The following TYK2 variants were observed in gnomAD, a reference collection of about 807,000 sequenced individuals.
TYK2 encodes the protein non-receptor tyrosine-protein kinase TYK2.
Under a neutral mutation model 130.9 loss-of-function variants are expected in TYK2, and 65 were observed. The ratio of observed to expected loss-of-function variants is 0.50; its 90% CI spans 0.41 to 0.61. The LOEUF is 0.61. Ranked by LOEUF, TYK2 falls within the 20% of genes least tolerant of loss-of-function variation. The pLI, the probability that TYK2 is intolerant of heterozygous loss-of-function variation, is 0.00. For missense variants in TYK2, 1,378 were observed against 1,610.7 expected, an observed-to-expected ratio of 0.86 and a Z score of 2.47; for synonymous variants, 647 against 658.9, an observed-to-expected ratio of 0.98 and a Z score of 0.28.
In TYK2 at chr19:10,368,167, C is replaced by T. The variant is rs369530676; in HGVS notation, c.353G>A (p.Arg118Gln). 16 of 1,613,928 alleles carry T rather than the reference C, an allele frequency of 9.9e-6. No homozygotes were observed. The highest frequency in any genetic ancestry group is 8.3e-5 in the Admixed American group (5 of 59,958). The change falls in exon 5 of 25, where the codon CGG becomes CAG. Residue 118 changes from arginine to glutamine, a missense_variant. Transcript: ENST00000525621. ...YFRNWHGMNPREPAVYRCGPP... is the reference protein window; with the variant it reads ...YFRNWHGMNPQEPAVYRCGPP... Reference sequence around the variant, plus strand: ...CCCACAACGGTACACAGCCGGTTCCCGAGGATTCATGCCATGCCAGTTCCG... The same window carrying T: ...CCCACAACGGTACACAGCCGGTTCCTGAGGATTCATGCCATGCCAGTTCCG...
At chr19:10,367,937 C>T (rs1020944620) in intron 5 of TYK2, 118 bp downstream of exon 5, 17 of 1,184,148 alleles carry the variant, frequency 1.4e-5, no homozygotes, top group Non-Finnish European at 1.7e-5. Context: ...AAAAAAAGAT[C>T]CCCAGATAGC....
At position 10,364,811 on chromosome 19, in the gene TYK2, C is replaced by T. The variant is rs2041578874; in HGVS notation, c.1209+40G>A. The T allele has an allele frequency of 1.9e-6, 3 of 1,613,864 alleles. No individual in the cohort carries two copies. The highest frequency in any genetic ancestry group is 2.7e-5 in the African/African-American group (2 of 74,950). On this transcript the variant is annotated intron_variant, in intron 8 of 24. Coordinates refer to ENST00000525621, the MANE Select transcript of TYK2 (RefSeq NM_003331.5). The surrounding 1 kb of genome is among the most constrained non-coding windows in gnomAD (Gnocchi z 4.9). Reference sequence around the variant, plus strand: ...CGCATCAGGTGGGTGTCCTCCCAGGCCATGATGGGCCCTAGCCCAGCCCCT... The same window carrying T: ...CGCATCAGGTGGGTGTCCTCCCAGGTCATGATGGGCCCTAGCCCAGCCCCT...
intron 3 of TYK2, among the ~76,000 whole-genome samples, chr19:10,372,084 G>A (rs1234510048): frequency 1.3e-5 from 2 of 151,724 alleles, no homozygotes; most frequent in African/African-American, 4.8e-5. Context: ...TCTGCCTCCT[G>A]GGTTCACGCC....
At chr19:10,376,110 T>G (rs1260310923) in intron 3 of TYK2, among the ~76,000 whole-genome samples, 2 of 151,452 alleles carry the variant, frequency 1.3e-5, no homozygotes, top group South Asian at 4.2e-4. Context: ...CCTCCCAAGT[T>G]CAAGCAATTC....
chr19:10,354,013 G>A (rs770148552), intron 20 of TYK2, 29 bp downstream of exon 20: 2 of 1,611,808 alleles, frequency 1.2e-6, no homozygotes, highest in African/African-American at 2.7e-5. Flanking sequence ...GCCCCCTCAA[G>A]TCTCTAGGAC....
rs752941433 is a variant in TYK2 at position 10,368,371 on chromosome 19, C to T, written c.241G>A (p.Ala81Thr). ...FNLFALFDAQ[A>T]QVWLPPNHIL... ...TGGTTTGGGGGCAACCAGACTTGGG[C>T]CTGAGCATCGAAGAGGGCAAAGAGA... The change falls in exon 4 of 25, where the codon GCC becomes ACC. Residue 81 changes from alanine to threonine, a missense_variant. Coordinates refer to ENST00000525621, the MANE Select transcript of TYK2 (RefSeq NM_003331.5). 6 of 1,614,004 alleles carry T rather than the reference C, an allele frequency of 3.7e-6. No individual in the cohort carries two copies. The Admixed American group carries it at 8.3e-5, about 22-fold the overall frequency.
intron 3 of TYK2, among the ~76,000 whole-genome samples, chr19:10,370,284 G>A (rs377198650): frequency 1.1e-4 from 17 of 151,440 alleles, no homozygotes; most frequent in Admixed American, 6.6e-5. Context: ...GCTTGAACCC[G>A]GGAGGCGGAG....
At position 10,364,530 on chromosome 19, in the gene TYK2, C is replaced by T; in HGVS notation, c.1367+84G>A. 1.3e-6 allele frequency: 2 copies of T among 1,504,016 alleles called. No homozygotes were observed. Among genetic ancestry groups the T allele is most frequent in the East Asian group, 2.3e-5 (1 of 44,166 alleles). The allele number at this position is 1,504,016 out of a possible 1,614,324, so 93.2% of individuals were successfully genotyped here. On this transcript the variant is annotated intron_variant, in intron 9 of 24. Transcript: ENST00000525621. The surrounding 1 kb of genome is among the most constrained non-coding windows in gnomAD (Gnocchi z 4.9). The stretch of plus-strand genomic sequence containing the variant: ...AAAAAAAATAAGACGTGCACCTACA[C>T]ACACACCCTGCACAGCCCCTAGGGC...
In TYK2 at chr19:10,351,113, C is replaced by T; in HGVS notation, c.3368G>A (p.Arg1123Lys). The T allele has an allele frequency of 6.2e-7, 1 of 1,614,102 alleles. No individual in the cohort carries two copies. The highest frequency in any genetic ancestry group is 8.5e-7 in the Non-Finnish European group (1 of 1,180,028). Residue 1123 changes from arginine to lysine, a missense_variant, in exon 24 of 25, where the codon AGA becomes AAA. Physicochemically the swap from Arg to Lys is conservative, Grantham distance 26. Coordinates refer to ENST00000525621, the MANE Select transcript of TYK2 (RefSeq NM_003331.5). The stretch of plus-strand genomic sequence containing the variant: ...CCCTCGTTCCAGCAACTCAGTGAGT[C>T]TCAGAACTGTCATCTGACCCTGAGC... ...GIAQGQMTVL[R>K]LTELLERGER...
Position 10,372,484 on chromosome 19 carries a change from A to ATT in TYK2, c.194-4068_194-4067dup, listed in dbSNP as rs1170442654. Among the ~76,000 whole-genome samples the ATT allele has an allele frequency of 9.8e-3, 365 of 37,414 alleles. 30 individuals carry two copies. The highest frequency in any genetic ancestry group is 0.067 in the East Asian group (55 of 824). The allele number at this position is 37,414 out of a possible 152,430, so 24.5% of individuals were successfully genotyped here. ...TATATATATATATATATATATATAT[A>ATT]TTTTTTTTTTTTTTTTTTTTTTTGA... On this transcript the variant is annotated intron_variant, in intron 3 of 24. Coordinates refer to ENST00000525621, the MANE Select transcript of TYK2 (RefSeq NM_003331.5).
At chr19:10,367,157 G>T (rs913575124) in intron 5 of TYK2, among the ~76,000 whole-genome samples, 2 of 152,276 alleles carry the variant, frequency 1.3e-5, no homozygotes, top group East Asian at 3.9e-4. Context: ...CAGGCCAGGG[G>T]TTGGACAAGC....
chr19:10,359,082 G>C lies in TYK2; in HGVS notation c.2175+93C>G, dbSNP rs1247024059. On this transcript the variant is annotated intron_variant, in intron 15 of 24. Coordinates refer to ENST00000525621, the MANE Select transcript of TYK2 (RefSeq NM_003331.5). ...CACCTAAAACAAAACAAACAAAAAAGATGGGGTCTCGCCCTGTTGCCCAGG... is the reference window on the plus strand; with the variant it reads ...CACCTAAAACAAAACAAACAAAAAACATGGGGTCTCGCCCTGTTGCCCAGG... 2.6e-5 allele frequency: 39 copies of C among 1,486,142 alleles called. No individual in the cohort carries two copies. The South Asian group carries it at 4.6e-4, about 17-fold the overall frequency. The allele number at this position is 1,486,142 out of a possible 1,614,324, so 92.1% of individuals were successfully genotyped here.
At chr19:10,356,378 CAAAT>C (rs2041100565) in intron 18 of TYK2, among the ~76,000 whole-genome samples, 186 bp downstream of exon 18, 2 of 152,100 alleles carry the variant, frequency 1.3e-5, no homozygotes, top group Admixed American at 1.3e-4. Flanking sequence ...GATTCCATTG[CAAAT>C]AAATAAATAA....
chr19:10,372,458 C>CTATATATATATATA (rs569826524), intron 3 of TYK2, among the ~76,000 whole-genome samples: 34 of 45,970 alleles, frequency 7.4e-4, no homozygotes, highest in South Asian at 2.2e-3. Flanking sequence ...CCACACACAG[C>CTATATATATATATA]TATATATATA....
Position 10,362,468 on chromosome 19 carries a change from T to C in TYK2, c.1477-12A>G. On this transcript the variant is annotated splice_polypyrimidine_tract_variant and intron_variant, in intron 10 of 24. Transcript: ENST00000525621. The stretch of plus-strand genomic sequence containing the variant: ...ATGCCGTCTGGTGCCTGGCAGGAGG[T>C]GGCAGAGGTGGGAGCAGTAAGCAGG... 6.3e-7 allele frequency: 1 copy of C among 1,584,948 alleles called. No individual in the cohort carries two copies. Among genetic ancestry groups the C allele is most frequent in the Non-Finnish European group, 8.6e-7 (1 of 1,164,808 alleles).
At chr19:10,374,485 T>C (rs1340692948) in intron 3 of TYK2, among the ~76,000 whole-genome samples, 1 of 142,998 alleles carries the variant, frequency 7.0e-6, no homozygotes, top group Non-Finnish European at 1.5e-5. Context: ...CTCAGGAGGC[T>C]GAGGCAGGAG....
intron 3 of TYK2, among the ~76,000 whole-genome samples, chr19:10,369,285 GC>G (rs368500838): frequency 6.6e-6 from 1 of 151,512 alleles, no homozygotes; most frequent in African/African-American, 2.4e-5. Flanking sequence ...GACATCACAG[GC>G]CCCCCCTTAG....
Position 10,366,400 on chromosome 19 carries a change from A to G in TYK2, c.629+17T>C. On this transcript the variant is annotated intron_variant, in intron 6 of 24. Coordinates refer to ENST00000525621, the MANE Select transcript of TYK2 (RefSeq NM_003331.5). ...TTCCCCCTGCCTACACAGCGTCCCC[A>G]CCCCATTCCCAGACACCTGGTCTTC... is the stretch of plus-strand genomic sequence containing the variant. 1 of 1,610,270 alleles carries G rather than the reference A, an allele frequency of 6.2e-7. No homozygotes were observed. Among genetic ancestry groups the G allele is most frequent in the African/African-American group, 1.3e-5 (1 of 74,652 alleles).
intron 3 of TYK2, among the ~76,000 whole-genome samples, chr19:10,370,291 G>A (rs1333357086): frequency 2.0e-5 from 3 of 151,922 alleles, no homozygotes; most frequent in African/African-American, 7.3e-5. Context: ...CCCGGGAGGC[G>A]GAGGTTGCAG....
Sources: allele counts gnomAD v4.1 joint callset (sites outside exome capture counted in the v4.1 genomes callset), GRCh38; gene constraint gnomAD v4.1.1; non-coding constraint Gnocchi (gnomAD v3.1); transcripts MANE v1.5; gene names NCBI Gene and HGNC (gene_info 2026-07-23, HGNC 2026-07-21).